Variants in PAFAH1B1 observed in about 807,000 individuals in gnomAD.
The protein encoded by PAFAH1B1 is platelet-activating factor acetylhydrolase IB subunit beta.
PAFAH1B1 carries 2 observed loss-of-function variants against 57.5 expected under a neutral mutation model. The observed-to-expected ratio is 0.03, with a 90% CI of 0.01 to 0.11. The LOEUF is 0.11. Among genes scored for constraint, PAFAH1B1 ranks in the 10% least tolerant of loss-of-function variants. The pLI is 1.00. For missense variants in PAFAH1B1, 257 were observed against 512.0 expected (o/e 0.50, Z 4.81); for synonymous variants, 152 against 169.6 (o/e 0.90, Z 0.81).
intron 1 of PAFAH1B1, among the ~76,000 whole-genome samples, chr17:2,619,846 C>T (rs2068395591): frequency 6.6e-6 from 1 of 152,114 alleles, no homozygotes; most frequent in South Asian, 2.1e-4. Context: ...GTGGTTTGAT[C>T]GTAGCTCACT....
At chr17:2,595,720 A>T (rs2068078383) in intron 1 of PAFAH1B1, among the ~76,000 whole-genome samples, 2 of 152,062 alleles carry the variant, frequency 1.3e-5, no homozygotes, top group South Asian at 4.1e-4. Flanking sequence ...CATTGTTTGG[A>T]TTGCTCAGAA....
At chr17:2,605,841 A>G (rs1045229150) in intron 1 of PAFAH1B1, among the ~76,000 whole-genome samples, 4 of 152,228 alleles carry the variant, frequency 2.6e-5, no homozygotes, top group Non-Finnish European at 5.9e-5. Flanking sequence ...GAACATAGTA[A>G]GTACTCAATA....
chr17:2,674,409 G>C, intron 8 of PAFAH1B1, 121 bp downstream of exon 8: 1 of 745,694 alleles, frequency 1.3e-6, no homozygotes, highest in Non-Finnish European at 2.4e-6. Flanking sequence ...CAGCAATTCT[G>C]AATCTTGAAA....
rs1467172680 is a variant in PAFAH1B1 at position 2,684,980 on chromosome 17, T to C, written c.*3178T>C. 6.6e-6 allele frequency: 1 copy of C among 152,162 alleles called. No individual in the cohort carries two copies. The allele number at this position is 152,162 out of a possible 1,614,324, so 9.4% of individuals were successfully genotyped here. A position where few individuals can be genotyped will look rare whatever the true frequency, so the allele number is the denominator to read the frequency against. On this transcript the variant is annotated 3_prime_UTR_variant, in exon 11 of 11. Coordinates refer to ENST00000397195, the MANE Select transcript of PAFAH1B1 (RefSeq NM_000430.4). Reference sequence around the variant, plus strand: ...AAAGGTAAAGGATATTTTGTTGACATCGGTGGCTCGATCATCCTTAAGCAA... The same window carrying C: ...AAAGGTAAAGGATATTTTGTTGACACCGGTGGCTCGATCATCCTTAAGCAA...
At chr17:2,665,963 T>A in intron 3 of PAFAH1B1, 53 bp from the exon 4 acceptor site, 3 of 1,367,446 alleles carry the variant, frequency 2.2e-6, no homozygotes, top group Non-Finnish European at 3.0e-6. Context: ...GATCTTTGTC[T>A]TGAGGATCAT....
chr17:2,631,212 G>C (rs1240450229), intron 1 of PAFAH1B1, among the ~76,000 whole-genome samples: 2 of 151,958 alleles, frequency 1.3e-5, no homozygotes, highest in Non-Finnish European at 2.9e-5. Context: ...CTGCACTTCA[G>C]CCTGGGCGAC....
At chr17:2,645,252 A>G (rs879565003) in intron 2 of PAFAH1B1, among the ~76,000 whole-genome samples, 8 of 152,104 alleles carry the variant, frequency 5.3e-5, no homozygotes, top group Non-Finnish European at 7.4e-5. Flanking sequence ...TCAAAAAACA[A>G]AAACAAAAGT....
intron 1 of PAFAH1B1, among the ~76,000 whole-genome samples, chr17:2,597,403 C>CTGTTTTT (rs2068095263): frequency 1.6e-5 from 1 of 64,350 alleles, no homozygotes. Context: ...ACATCCGTGT[C>CTGTTTTT]TTTTTTTTTT....
At chr17:2,618,331 C>G (rs1036969261) in intron 1 of PAFAH1B1, among the ~76,000 whole-genome samples, 1 of 152,154 alleles carries the variant, frequency 6.6e-6, no homozygotes, top group African/African-American at 2.4e-5. Flanking sequence ...GTTATTCATA[C>G]AGAGCACACG....
At chr17:2,673,820 G>T in intron 7 of PAFAH1B1, 2 of 486,396 alleles carry the variant, frequency 4.1e-6, no homozygotes, top group Non-Finnish European at 7.4e-6. Context: ...ATTTAGTTTT[G>T]AAAGATTTTA....
chr17:2,645,067 T>TG (rs1267373618), intron 2 of PAFAH1B1, among the ~76,000 whole-genome samples: 1 of 151,974 alleles, frequency 6.6e-6, no homozygotes, highest in Admixed American at 6.6e-5. Context: ...GGCAACCTGG[T>TG]GAAACCCCGT....
intron 1 of PAFAH1B1, among the ~76,000 whole-genome samples, chr17:2,625,004 A>T (rs1411510221): frequency 6.6e-6 from 1 of 151,480 alleles, no homozygotes; most frequent in Non-Finnish European, 1.5e-5. Context: ...CTGTTAACAT[A>T]TAATTATTTA....
At chr17:2,622,429 A>G (rs1385858102) in intron 1 of PAFAH1B1, among the ~76,000 whole-genome samples, 1 of 152,206 alleles carries the variant, frequency 6.6e-6, no homozygotes, top group Non-Finnish European at 1.5e-5. Flanking sequence ...TGGCTAAAAC[A>G]AAGGGGTTAC....
In PAFAH1B1 at chr17:2,670,154, A is replaced by G. The variant is rs370126179; in HGVS notation, c.400-9A>G. The G allele has an allele frequency of 1.2e-6, 2 of 1,613,854 alleles. No individual in the cohort carries two copies. The highest frequency in any genetic ancestry group is 1.7e-6 in the Non-Finnish European group (2 of 1,179,718). On this transcript the variant is annotated splice_polypyrimidine_tract_variant and intron_variant, in intron 5 of 10. Transcript: ENST00000397195. ...GTTGGTGTTAACCAATTTTCTGTTC[A>G]CTTGACAGGTGTGGGATTATGAGAC...
chr17:2,643,748 A>G (rs748977248), intron 2 of PAFAH1B1, among the ~76,000 whole-genome samples: 1 of 151,844 alleles, frequency 6.6e-6, no homozygotes, highest in Admixed American at 6.6e-5. Flanking sequence ...TTTAGTAGAG[A>G]CAGGATTTCA....
In PAFAH1B1 at chr17:2,644,404, G is replaced by T. The variant is rs571822462; in HGVS notation, c.32+6084G>T. Reference sequence around the variant, plus strand: ...TAAAAATACAAAAAATGAGCCGGGCGTGGTGGTGGGCGCCTCTAGTCTCAG... The same window carrying T: ...TAAAAATACAAAAAATGAGCCGGGCTTGGTGGTGGGCGCCTCTAGTCTCAG... On this transcript the variant is annotated intron_variant, in intron 2 of 10. Transcript: ENST00000397195. Among the ~76,000 whole-genome samples the T allele has an allele frequency of 4.0e-3, 607 of 152,164 alleles. 6 individuals carry two copies. Among genetic ancestry groups the T allele is most frequent in the African/African-American group, 0.014 (584 of 41,510 alleles).
At chr17:2,668,520 C>G (rs570207292) in intron 5 of PAFAH1B1, among the ~76,000 whole-genome samples, 1 of 151,738 alleles carries the variant, frequency 6.6e-6, no homozygotes, top group Admixed American at 6.6e-5. Context: ...GACCTCGTCT[C>G]TACTTAAAAT....
chr17:2,631,003 A>C (rs1034244371), intron 1 of PAFAH1B1, among the ~76,000 whole-genome samples: 4 of 152,204 alleles, frequency 2.6e-5, no homozygotes, highest in African/African-American at 7.2e-5. Flanking sequence ...GCACTTTGGG[A>C]GGCTGAGGTG....
chr17:2,603,359 G>A (rs765931857), intron 1 of PAFAH1B1, among the ~76,000 whole-genome samples: 3 of 152,110 alleles, frequency 2.0e-5, no homozygotes, highest in Non-Finnish European at 4.4e-5. Flanking sequence ...GGTGGCTCAC[G>A]CCTGTAATCC....
Sources: allele counts gnomAD v4.1 joint callset (sites outside exome capture counted in the v4.1 genomes callset), GRCh38; gene constraint gnomAD v4.1.1; transcripts MANE v1.5; gene names NCBI Gene and HGNC (gene_info 2026-07-23, HGNC 2026-07-21).